The following NALCN variants were observed in gnomAD, a reference collection of about 807,000 sequenced individuals.
The protein encoded by NALCN is sodium leak channel NALCN.
A neutral mutation model predicts 225.3 loss-of-function variants in NALCN; 111 were observed. The observed-to-expected ratio is 0.49, with a 90% CI of 0.42 to 0.58. The LOEUF (loss-of-function observed/expected upper bound fraction) is 0.58, where lower values mean the gene tolerates loss of function less well. Ranked by LOEUF, NALCN falls within the 20% of genes least tolerant of loss-of-function variation. The pLI, the probability that NALCN is intolerant of heterozygous loss-of-function variation, is 0.00. For synonymous variants in NALCN, 764 were observed against 769.0 expected, an observed-to-expected ratio of 0.99 and a Z score of 0.11; for missense variants, 1,378 against 2,202.4, an observed-to-expected ratio of 0.63 and a Z score of 7.49.
At chr13:101,406,686 C>A (rs1036721309) in intron 1 of NALCN, among the ~76,000 whole-genome samples, 6 of 152,106 alleles carry the variant, frequency 3.9e-5, no homozygotes, top group Non-Finnish European at 8.8e-5. Context: ...AATCATCAAA[C>A]CTCTCATTAA....
intron 10 of NALCN, among the ~76,000 whole-genome samples, chr13:101,268,637 C>A (rs551627837): frequency 6.6e-6 from 1 of 152,232 alleles, no homozygotes; most frequent in African/African-American, 2.4e-5. Context: ...GCACTAGGAG[C>A]ACACAAAAGC....
intron 3 of NALCN, among the ~76,000 whole-genome samples, chr13:101,389,500 A>G (rs1454907866): frequency 6.6e-6 from 1 of 152,170 alleles, no homozygotes; most frequent in Non-Finnish European, 1.5e-5. Context: ...TAGAATGGCA[A>G]TTCAGTAGGG....
intron 18 of NALCN, among the ~76,000 whole-genome samples, chr13:101,120,830 C>A (rs907081997): frequency 6.6e-6 from 1 of 152,190 alleles, no homozygotes; most frequent in African/African-American, 2.4e-5. Flanking sequence ...TCAACCACAG[C>A]ACTGCCGTCT....
intron 6 of NALCN, among the ~76,000 whole-genome samples, chr13:101,374,272 C>G (rs1008962508): frequency 8.3e-6 from 1 of 119,928 alleles, no homozygotes; most frequent in African/African-American, 3.2e-5. Context: ...AAATTTCTTT[C>G]TTTTTTTTTT....
At chr13:101,320,106 T>C (rs2044693570) in intron 7 of NALCN, among the ~76,000 whole-genome samples, 1 of 152,190 alleles carries the variant, frequency 6.6e-6, no homozygotes, top group Non-Finnish European at 1.5e-5. Flanking sequence ...TTCCTGCCTA[T>C]TAGCACAGAA....
chr13:101,164,031 T>C (rs1205227527), intron 15 of NALCN, among the ~76,000 whole-genome samples: 2 of 152,146 alleles, frequency 1.3e-5, no homozygotes, highest in African/African-American at 4.8e-5. Flanking sequence ...CTTCTCTTTT[T>C]ATGAGGACAA....
chr13:101,089,560 C>A lies in NALCN; in HGVS notation c.3489+103G>T. The A allele has an allele frequency of 7.6e-6, 7 of 926,212 alleles. No homozygotes were observed. Among genetic ancestry groups the A allele is most frequent in the Non-Finnish European group, 1.0e-5 (6 of 601,060 alleles). 57.4% of individuals were successfully genotyped at this position (926,212 alleles called of 1,614,324 possible). The stretch of plus-strand genomic sequence containing the variant: ...GAGATTATTTACACCAGTCACATTA[C>A]AGTTTAAAGCGGCTTCACGCCGCGT... On this transcript the variant is annotated intron_variant, in intron 30 of 43. Transcript: ENST00000251127. This position sits in a 1 kb window ranked among gnomAD's most constrained non-coding sequence, Gnocchi z 4.7.
intron 13 of NALCN, among the ~76,000 whole-genome samples, chr13:101,222,707 A>G (rs550723855): frequency 6.6e-6 from 1 of 152,296 alleles, no homozygotes; most frequent in East Asian, 1.9e-4. Flanking sequence ...CCTACCAAAA[A>G]ACACACAAGT....
chr13:101,389,831 C>G (rs1218138754), intron 3 of NALCN, among the ~76,000 whole-genome samples: 7 of 152,204 alleles, frequency 4.6e-5, no homozygotes, highest in Admixed American at 4.6e-4. Flanking sequence ...CCTGGAATCC[C>G]AGAACCTTGG....
intron 41 of NALCN, among the ~76,000 whole-genome samples, chr13:101,061,406 G>C (rs1236036313): frequency 6.8e-6 from 1 of 147,154 alleles, no homozygotes; most frequent in African/African-American, 2.5e-5. Context: ...TTTTGAGACA[G>C]ATTCTCACTG....
At position 101,196,628 on chromosome 13, in the gene NALCN, G is replaced by C. The variant is rs527268090; in HGVS notation, c.1627-4574C>G. On this transcript the variant is annotated intron_variant, in intron 13 of 43. Transcript: ENST00000251127. ...TTTACTGTTTCAGTATGAGGAGAGG[G>C]GTACAGGGAGAGAAGTATTAGCTGA... Among the ~76,000 whole-genome samples, 348 of 152,252 alleles carry C rather than the reference G, an allele frequency of 2.3e-3. 2 individuals carry two copies. The highest frequency in any genetic ancestry group is 7.1e-3 in the African/African-American group (297 of 41,544).
At chr13:101,058,286 C>G in intron 42 of NALCN, 2 of 493,448 alleles carry the variant, frequency 4.1e-6, no homozygotes, top group South Asian at 5.9e-5. Context: ...ACATCTTGTC[C>G]TGGGTAACCC....
At chr13:101,182,598 G>A (rs577894316) in intron 14 of NALCN, among the ~76,000 whole-genome samples, 22 of 152,316 alleles carry the variant, frequency 1.4e-4, no homozygotes, top group African/African-American at 4.3e-4. Flanking sequence ...AGATGTATGT[G>A]TGTGGTAGGG....
intron 1 of NALCN, among the ~76,000 whole-genome samples, chr13:101,415,368 C>T (rs956200546): frequency 6.6e-6 from 1 of 152,012 alleles, no homozygotes; most frequent in Non-Finnish European, 1.5e-5. Flanking sequence ...GATGACCACA[C>T]GAACACCAGA....
chr13:101,070,063 G>GTTT lies in NALCN; in HGVS notation c.4198-1239_4198-1237dup, dbSNP rs71121162. On this transcript the variant is annotated intron_variant, in intron 37 of 43. Coordinates refer to ENST00000251127, the MANE Select transcript of NALCN (RefSeq NM_052867.4). ...TGACCTCCTTCCATGAATCATGAAT[G>GTTT]TTTTTTTTTTTTTTTTTTTTTGAGA... Among the ~76,000 whole-genome samples the GTTT allele has an allele frequency of 1.3e-4, 13 of 98,312 alleles. 3 individuals are homozygous for GTTT. Among genetic ancestry groups the GTTT allele is most frequent in the South Asian group, 7.5e-4 (2 of 2,660 alleles). 64.5% of individuals were successfully genotyped at this position (98,312 alleles called of 152,430 possible). A position where few individuals can be genotyped will look rare whatever the true frequency, so the allele number is the denominator to read the frequency against.
At chr13:101,187,537 A>G (rs1395018507) in intron 14 of NALCN, among the ~76,000 whole-genome samples, 1 of 152,226 alleles carries the variant, frequency 6.6e-6, no homozygotes. Flanking sequence ...CAAATATCCA[A>G]TAAATGAGTT....
At chr13:101,273,014 T>C (rs1012297568) in intron 10 of NALCN, among the ~76,000 whole-genome samples, 1 of 152,200 alleles carries the variant, frequency 6.6e-6, no homozygotes, top group Admixed American at 6.5e-5. Context: ...CCTCCCTCTG[T>C]TCCTCACAGG....
intron 6 of NALCN, among the ~76,000 whole-genome samples, chr13:101,350,067 TC>T (rs2045864566): frequency 6.6e-6 from 1 of 152,076 alleles, no homozygotes; most frequent in South Asian, 2.1e-4. Flanking sequence ...CATCTCCCTC[TC>T]TACACACACT....
Position 101,107,748 on chromosome 13 carries a change from G to A in NALCN, c.2406C>T (p.Asp802=), listed in dbSNP as rs1208661756. Residue 802 remains aspartate (D), a synonymous_variant, in exon 21 of 44, where the codon GAC becomes GAT. Transcript: ENST00000251127. ...TTTCCTGAATCATCTTTATTTCACT[G>A]TCTTCTCTTTGTGCATTTCTATATC... ...TVRYRNAQRE[D]SEIKMIQEKK... is the part of the protein sequence containing the mutation. The A allele has an allele frequency of 6.2e-7, 1 of 1,613,530 alleles. No homozygotes were observed. Among genetic ancestry groups the A allele is most frequent in the South Asian group, 1.1e-5 (1 of 91,056 alleles).
Sources: allele counts gnomAD v4.1 joint callset (sites outside exome capture counted in the v4.1 genomes callset), GRCh38; gene constraint gnomAD v4.1.1; non-coding constraint Gnocchi (gnomAD v3.1); transcripts MANE v1.5; gene names NCBI Gene and HGNC (gene_info 2026-07-23, HGNC 2026-07-21).